Variants in CTNND2 observed in about 807,000 individuals in gnomAD.
CTNND2 encodes catenin delta-2.
Under a neutral mutation model 144.4 loss-of-function variants are expected in CTNND2, and 22 were observed. The observed-to-expected ratio is 0.15, with a 90% CI of 0.11 to 0.22. The LOEUF is 0.22. Among genes scored for constraint, CTNND2 ranks in the 10% least tolerant of loss-of-function variants. The pLI is 1.00. For synonymous variants in CTNND2, 751 were observed against 695.6 expected, an observed-to-expected ratio of 1.08 and a Z score of -1.25; for missense variants, 1,353 against 1,618.8, an observed-to-expected ratio of 0.84 and a Z score of 2.82.
intron 2 of CTNND2, among the ~76,000 whole-genome samples, chr5:11,721,850 A>G (rs116123763): frequency 1.7e-3 from 252 of 152,262 alleles, no homozygotes; most frequent in African/African-American, 5.8e-3. Flanking sequence ...ATTCCCTTCC[A>G]CCATAGTCCT....
At chr5:11,224,622 C>T (rs1185160192) in intron 10 of CTNND2, among the ~76,000 whole-genome samples, 1 of 152,194 alleles carries the variant, frequency 6.6e-6, no homozygotes, top group Non-Finnish European at 1.5e-5. Context: ...CTGTTTCCTG[C>T]AGGCTGTGTG....
At chr5:11,797,765 T>C (rs1331992909) in intron 1 of CTNND2, among the ~76,000 whole-genome samples, 2 of 152,346 alleles carry the variant, frequency 1.3e-5, no homozygotes, top group East Asian at 1.9e-4. Flanking sequence ...ATTTATCTTC[T>C]TGTATCTATG....
chr5:11,644,825 G>T (rs1415866018), intron 2 of CTNND2, among the ~76,000 whole-genome samples: 5 of 152,112 alleles, frequency 3.3e-5, no homozygotes. Context: ...GTCAAACTGT[G>T]GATAACTATG....
At chr5:11,526,606 T>C (rs1393768429) in intron 3 of CTNND2, among the ~76,000 whole-genome samples, 1 of 152,152 alleles carries the variant, frequency 6.6e-6, no homozygotes, top group East Asian at 1.9e-4. Context: ...TCTAAACATG[T>C]CTAAGCATTT....
At chr5:11,514,360 C>A (rs1561499357) in intron 3 of CTNND2, among the ~76,000 whole-genome samples, 1 of 152,104 alleles carries the variant, frequency 6.6e-6, no homozygotes, top group Admixed American at 6.5e-5. Context: ...TAATGTTCTA[C>A]AAATATTTGC....
intron 3 of CTNND2, among the ~76,000 whole-genome samples, chr5:11,454,812 G>A (rs1214638873): frequency 6.6e-6 from 1 of 151,798 alleles, no homozygotes; most frequent in Non-Finnish European, 1.5e-5. Flanking sequence ...ATGTTGCCCA[G>A]GCTGGTCTCG....
At chr5:11,706,801 G>T (rs1785719140) in intron 2 of CTNND2, among the ~76,000 whole-genome samples, 1 of 152,042 alleles carries the variant, frequency 6.6e-6, no homozygotes, top group Non-Finnish European at 1.5e-5. Flanking sequence ...AAATAAGGAA[G>T]TAAGGCCAGC....
At chr5:11,767,231 G>A (rs6862269) in intron 1 of CTNND2, among the ~76,000 whole-genome samples, 2,097 of 152,286 alleles carry the variant, frequency 0.014, 44 homozygotes, top group African/African-American at 0.045. Flanking sequence ...TGCAACCTAT[G>A]CAGCTGTGTA....
intron 2 of CTNND2, among the ~76,000 whole-genome samples, chr5:11,568,146 G>T (rs1343621308): frequency 1.3e-5 from 2 of 152,156 alleles, no homozygotes; most frequent in African/African-American, 4.8e-5. Flanking sequence ...CTCTGTGTGA[G>T]TACCAGGCAC....
chr5:11,435,115 C>CTATATATT (rs1763645422), intron 3 of CTNND2, among the ~76,000 whole-genome samples: 2 of 145,944 alleles, frequency 1.4e-5, no homozygotes, highest in Admixed American at 6.9e-5. Flanking sequence ...TTCTTTTTTA[C>CTATATATT]TATTTATTTA....
rs1400148357 is a variant in CTNND2, at chr5:11,705,676, G to A, written c.174+26460C>T. Among the ~76,000 whole-genome samples, 17 of 152,158 alleles carry A rather than the reference G, an allele frequency of 1.1e-4. No individual in the cohort carries two copies. In the East Asian group the frequency reaches 3.3e-3, roughly 29 times the overall value. On this transcript the variant is annotated intron_variant, in intron 2 of 21. Transcript: ENST00000304623. ...TGAAGAGAGTGAACATCCCTTCAGGGAAGTGGTATAATGCTGTCAGACTTG... is the reference window on the plus strand; with the variant it reads ...TGAAGAGAGTGAACATCCCTTCAGGAAAGTGGTATAATGCTGTCAGACTTG...
intron 8 of CTNND2, among the ~76,000 whole-genome samples, chr5:11,360,270 T>C (rs920801871): frequency 1.3e-5 from 2 of 152,144 alleles, no homozygotes; most frequent in Non-Finnish European, 2.9e-5. Flanking sequence ...AGAAATCCTC[T>C]TTGGTGGGAA....
At chr5:11,185,728 C>T (rs1485202620) in intron 11 of CTNND2, among the ~76,000 whole-genome samples, 2 of 152,192 alleles carry the variant, frequency 1.3e-5, no homozygotes, top group Non-Finnish European at 2.9e-5. Context: ...TCAAACGTTT[C>T]ATCAGGAATG....
intron 2 of CTNND2, among the ~76,000 whole-genome samples, chr5:11,717,160 G>A (rs1057233006): frequency 2.6e-5 from 4 of 151,932 alleles, no homozygotes; most frequent in African/African-American, 9.6e-5. Context: ...GAGCCACCAT[G>A]CCCGGCCAAA....
intron 3 of CTNND2, among the ~76,000 whole-genome samples, chr5:11,484,577 C>T (rs4702806): frequency 0.019 from 2,818 of 152,260 alleles, 39 homozygotes; most frequent in Non-Finnish European, 0.024. Context: ...GGGAAGCAGT[C>T]CATGCATCCC....
intron 9 of CTNND2, among the ~76,000 whole-genome samples, chr5:11,244,175 G>A (rs922386988): frequency 1.3e-5 from 2 of 151,352 alleles, no homozygotes; most frequent in Non-Finnish European, 2.9e-5. Context: ...TTACATTCTT[G>A]TTGACCAAAG....
rs578133041 is a variant in CTNND2 at position 11,899,113 on chromosome 5, T to G, written c.37+4704A>C. On this transcript the variant is annotated intron_variant, in intron 1 of 21. Coordinates refer to ENST00000304623, the MANE Select transcript of CTNND2 (RefSeq NM_001332.4). ...CACTTTTTAGTTCTCTTCAAGGACT[T>G]GATTTTAATTGGGGAGGGGGTCTTC... Among the ~76,000 whole-genome samples, 95 of 152,334 alleles carry G rather than the reference T, an allele frequency of 6.2e-4. No individual in the cohort carries two copies. The South Asian group carries it at 0.014, about 22-fold the overall frequency.
chr5:11,108,652 T>C (rs917866142), intron 14 of CTNND2, among the ~76,000 whole-genome samples: 1 of 152,196 alleles, frequency 6.6e-6, no homozygotes, highest in Non-Finnish European at 1.5e-5. Flanking sequence ...TTTAAATTGA[T>C]TTATAAGCTA....
chr5:11,783,679 G>C (rs931577626), intron 1 of CTNND2, among the ~76,000 whole-genome samples: 12 of 152,186 alleles, frequency 7.9e-5, no homozygotes, highest in African/African-American at 2.2e-4. Flanking sequence ...CAAGTCTGCA[G>C]TATGCTGAAT....
Sources: allele counts gnomAD v4.1 joint callset (sites outside exome capture counted in the v4.1 genomes callset), GRCh38; gene constraint gnomAD v4.1.1; transcripts MANE v1.5; gene names NCBI Gene and HGNC (gene_info 2026-07-23, HGNC 2026-07-21).